Variants in CDH13 observed in about 807,000 individuals in gnomAD.
CDH13 encodes the protein cadherin-13.
Under a neutral mutation model 63.8 loss-of-function variants are expected in CDH13, and 24 were observed. The observed-to-expected ratio is 0.38, with a 90% confidence interval of 0.27 to 0.53. CDH13 has a LOEUF of 0.53. Among genes scored for constraint, CDH13 ranks in the 20% least tolerant of loss-of-function variants. CDH13 has a pLI of 0.85. For synonymous variants in CDH13, 503 were observed against 355.3 expected, an observed-to-expected ratio of 1.42 and a Z score of -4.67; for missense variants, 1,049 against 903.1, an observed-to-expected ratio of 1.16 and a Z score of -2.07.
At chr16:82,897,997 A>G (rs1028662096) in intron 2 of CDH13, among the ~76,000 whole-genome samples, 20 of 152,222 alleles carry the variant, frequency 1.3e-4, no homozygotes, top group African/African-American at 4.8e-4. Context: ...ACGTGGAGCT[A>G]TTGAGCACTT....
At chr16:83,492,512 C>A (rs974775649) in intron 7 of CDH13, among the ~76,000 whole-genome samples, 1 of 152,064 alleles carries the variant, frequency 6.6e-6, no homozygotes, top group African/African-American at 2.4e-5. Flanking sequence ...TTATCACTTG[C>A]TGCTGTGAAA....
chr16:83,300,510 G>A (rs1361738187), intron 5 of CDH13, among the ~76,000 whole-genome samples: 1 of 152,200 alleles, frequency 6.6e-6, no homozygotes, highest in Admixed American at 6.5e-5. Flanking sequence ...CAGCTGAGTA[G>A]GTTACATCTT....
rs578085610 is a variant in CDH13, at chr16:83,150,399, C to G, written c.483+24898C>G. Among the ~76,000 whole-genome samples, 17 of 152,338 alleles carry G rather than the reference C, an allele frequency of 1.1e-4. No homozygotes were observed. In the South Asian group the frequency reaches 2.5e-3, roughly 22 times the overall value. On this transcript the variant is annotated intron_variant, in intron 4 of 13. Transcript: ENST00000567109. ...TTTCTCTCCCTTGCTATCATTATCTCTGTCCCCAATATATGCTTCTGCACA... is the reference window on the plus strand; with the variant it reads ...TTTCTCTCCCTTGCTATCATTATCTGTGTCCCCAATATATGCTTCTGCACA...
At chr16:83,616,112 G>A (rs1909260867) in intron 8 of CDH13, among the ~76,000 whole-genome samples, 1 of 152,182 alleles carries the variant, frequency 6.6e-6, no homozygotes, top group African/African-American at 2.4e-5. Context: ...AAGCAGTACA[G>A]TTCCAACTAA....
At chr16:83,208,136 G>C (rs1266495733) in intron 4 of CDH13, among the ~76,000 whole-genome samples, 1 of 152,190 alleles carries the variant, frequency 6.6e-6, no homozygotes, top group Non-Finnish European at 1.5e-5. Flanking sequence ...GATTGATAAG[G>C]TGGGTGTGGA....
intron 4 of CDH13, among the ~76,000 whole-genome samples, chr16:83,166,364 C>T (rs1003984857): frequency 6.6e-6 from 1 of 152,068 alleles, no homozygotes; most frequent in African/African-American, 2.4e-5. Flanking sequence ...GAGGACCTCT[C>T]GGCCCAGACA....
intron 8 of CDH13, among the ~76,000 whole-genome samples, chr16:83,647,893 A>C (rs779390183): frequency 6.6e-6 from 1 of 152,062 alleles, no homozygotes; most frequent in African/African-American, 2.4e-5. Flanking sequence ...TCCCTGTTAA[A>C]ATCCCCATGC....
intron 1 of CDH13, chr16:82,637,513 C>T (rs749883755): frequency 6.9e-6 from 1 of 145,700 alleles, no homozygotes; most frequent in African/African-American, 2.5e-5. Context: ...TCACTGCAAG[C>T]TCCGCCTCCC....
At chr16:83,572,687 A>T (rs1904753553) in intron 7 of CDH13, among the ~76,000 whole-genome samples, 1 of 152,236 alleles carries the variant, frequency 6.6e-6, no homozygotes. Context: ...GCAGAGGAAA[A>T]GCTATTGAAC....
intron 4 of CDH13, among the ~76,000 whole-genome samples, chr16:83,152,951 T>G (rs528521990): frequency 6.6e-6 from 1 of 152,218 alleles, no homozygotes; most frequent in East Asian, 1.9e-4. Context: ...ATTGGGATGA[T>G]GCATCTACAA....
intron 11 of CDH13, among the ~76,000 whole-genome samples, chr16:83,775,536 C>T (rs547986087): frequency 1.3e-5 from 2 of 152,044 alleles, no homozygotes; most frequent in African/African-American, 4.8e-5. Flanking sequence ...GGCCCCTGGG[C>T]TCCCTCCAGA....
Position 82,696,825 on chromosome 16 carries a change from C to T in CDH13, c.45+69688C>T, listed in dbSNP as rs183934716. On this transcript the variant is annotated intron_variant, in intron 1 of 13. Coordinates refer to ENST00000567109, the MANE Select transcript of CDH13 (RefSeq NM_001257.5). ...GGTACTTGTAGTTCAGAGTCTTTCA[C>T]GATACTGTTGTCAAGATGTTGGTTG... Among the ~76,000 whole-genome samples, 315 of 152,280 alleles carry T rather than the reference C, an allele frequency of 2.1e-3. 1 individual carries two copies. The highest frequency in any genetic ancestry group is 3.3e-3 in the South Asian group (16 of 4,808).
intron 4 of CDH13, among the ~76,000 whole-genome samples, chr16:83,207,658 A>G (rs544368999): frequency 1.3e-5 from 2 of 152,156 alleles, no homozygotes; most frequent in African/African-American, 4.8e-5. Flanking sequence ...ATAAGTTTTA[A>G]AATAACATTC....
intron 2 of CDH13, among the ~76,000 whole-genome samples, chr16:83,027,102 A>ACCCCCCCCCCC (rs79185242): frequency 1.6e-4 from 16 of 100,900 alleles, no homozygotes; most frequent in Non-Finnish European, 2.3e-4. Context: ...CAGAAGGGAG[A>ACCCCCCCCCCC]CCCCCCCCCC....
At chr16:83,221,993 T>G (rs1211433364) in intron 5 of CDH13, among the ~76,000 whole-genome samples, 3 of 152,198 alleles carry the variant, frequency 2.0e-5, no homozygotes, top group African/African-American at 7.2e-5. Flanking sequence ...ATTTTTACTA[T>G]TAATGTTGGG....
intron 7 of CDH13, among the ~76,000 whole-genome samples, chr16:83,513,684 G>A (rs1207689669): frequency 6.6e-6 from 1 of 152,146 alleles, no homozygotes; most frequent in Non-Finnish European, 1.5e-5. Context: ...CATGAGAACA[G>A]CATGAGGGTA....
chr16:82,885,994 A>C (rs1243532841), intron 2 of CDH13, among the ~76,000 whole-genome samples: 1 of 152,216 alleles, frequency 6.6e-6, no homozygotes, highest in African/African-American at 2.4e-5. Flanking sequence ...TCTGGTGAGA[A>C]AACATGTAAA....
At chr16:83,171,582 A>C (rs1245364760) in intron 4 of CDH13, 1 of 1,528,482 alleles carries the variant, frequency 6.5e-7, no homozygotes, top group Non-Finnish European at 8.8e-7. Context: ...GTGCACAGGA[A>C]ATTTTGAAAT....
At chr16:83,622,441 C>G (rs1179694204) in intron 8 of CDH13, among the ~76,000 whole-genome samples, 1 of 152,196 alleles carries the variant, frequency 6.6e-6, no homozygotes, top group East Asian at 1.9e-4. Context: ...GTCAAAAAAC[C>G]TATGTTGAAC....
Sources: allele counts gnomAD v4.1 joint callset (sites outside exome capture counted in the v4.1 genomes callset), GRCh38; gene constraint gnomAD v4.1.1; transcripts MANE v1.5; gene names NCBI Gene and HGNC (gene_info 2026-07-23, HGNC 2026-07-21).